Variants in PTK2 observed in about 807,000 individuals in gnomAD.
PTK2 encodes protein tyrosine kinase 2, also known as focal adhesion kinase 1.
Under a neutral mutation model 150.1 loss-of-function variants are expected in PTK2, and 45 were observed. That is an observed-to-expected ratio of 0.30 (90% CI 0.24 to 0.38). PTK2 has a LOEUF of 0.38. Ranked by LOEUF, PTK2 falls within the 10% of genes least tolerant of loss-of-function variation. The pLI, the probability that PTK2 is intolerant of heterozygous loss-of-function variation, is 1.00. For synonymous variants in PTK2, 432 were observed against 449.2 expected (o/e 0.96, Z 0.48); for missense variants, 919 against 1,307.3 (o/e 0.70, Z 4.58).
intron 2 of PTK2, among the ~76,000 whole-genome samples, chr8:140,921,946 T>C (rs2100167624): frequency 6.6e-6 from 1 of 152,204 alleles, no homozygotes; most frequent in Admixed American, 6.5e-5. Context: ...AGGCTCCTGG[T>C]GCCTTTGTTC....
intron 1 of PTK2, among the ~76,000 whole-genome samples, chr8:140,951,384 A>G (rs1172866552): frequency 6.6e-6 from 1 of 152,218 alleles, no homozygotes; most frequent in African/African-American, 2.4e-5. Context: ...TCTGTGAAAT[A>G]AGGGACCTAT....
intron 8 of PTK2, among the ~76,000 whole-genome samples, chr8:140,825,033 A>G (rs2100111023): frequency 6.6e-6 from 1 of 152,222 alleles, no homozygotes; most frequent in Admixed American, 6.5e-5. Context: ...TGCTAGCAAC[A>G]ATAGATTCCT....
At chr8:140,821,739 C>G (rs1022537520) in intron 8 of PTK2, 1 of 152,170 alleles carries the variant, frequency 6.6e-6, no homozygotes, top group African/African-American at 2.4e-5. Flanking sequence ...TGGTTTTAAC[C>G]AGGGCTGAGG....
chr8:140,986,994 G>A lies in PTK2; in HGVS notation c.-122+14131C>T, dbSNP rs1310498547. ...TGACACATACACAAAAACACAACCC[G>A]TAAAGCAACAAACTCATAAATGGGA... On this transcript the variant is annotated intron_variant, in intron 1 of 31. Coordinates refer to ENST00000522684, the Ensembl canonical transcript of PTK2. 8.5e-5 allele frequency among the ~76,000 whole-genome samples: 13 copies of A among 152,120 alleles called. No individual in the cohort carries two copies. In the South Asian group the frequency reaches 2.3e-3, roughly 27 times the overall value.
At chr8:140,959,294 G>T (rs1422742404) in intron 1 of PTK2, among the ~76,000 whole-genome samples, 1 of 151,770 alleles carries the variant, frequency 6.6e-6, no homozygotes, top group African/African-American at 2.4e-5. Flanking sequence ...ACTTTGGGAG[G>T]CCAAGGAGGG....
At chr8:140,725,797 C>T (rs1360992331) in intron 22 of PTK2, among the ~76,000 whole-genome samples, 1 of 151,562 alleles carries the variant, frequency 6.6e-6, no homozygotes, top group African/African-American at 2.4e-5. Flanking sequence ...CTGCTACCTA[C>T]CCATCAGCCA....
intron 26 of PTK2, among the ~76,000 whole-genome samples, chr8:140,690,806 A>G (rs952190646): frequency 6.6e-6 from 1 of 152,218 alleles, no homozygotes; most frequent in Non-Finnish European, 1.5e-5. Flanking sequence ...AGGCTGCACA[A>G]CGTTCCACTG....
At chr8:140,831,505 T>C (rs1038976666) in intron 7 of PTK2, among the ~76,000 whole-genome samples, 8 of 152,226 alleles carry the variant, frequency 5.3e-5, no homozygotes, top group Non-Finnish European at 8.8e-5. Context: ...AGAGACATCA[T>C]GTCAGTTTAT....
intron 1 of PTK2, among the ~76,000 whole-genome samples, chr8:140,969,676 A>G (rs1002513387): frequency 5.3e-5 from 8 of 152,152 alleles, no homozygotes; most frequent in African/African-American, 1.9e-4. Context: ...AGAGTTCCCC[A>G]AGACTCTGTC....
chr8:140,686,760 T>A, intron 26 of PTK2, 66 bp from the exon 30 acceptor site: 1 of 1,352,574 alleles, frequency 7.4e-7, no homozygotes, highest in Non-Finnish European at 1.0e-6. Flanking sequence ...ACAGATTCTG[T>A]ATTAAATTCC....
chr8:140,929,069 C>T (rs1029899260), intron 1 of PTK2, among the ~76,000 whole-genome samples: 87 of 145,930 alleles, frequency 6.0e-4, no homozygotes, highest in African/African-American at 2.2e-3. Context: ...GGGTTCACGC[C>T]ATTCTCCTGC....
chr8:140,908,389 A>C (rs1650859529), intron 2 of PTK2, among the ~76,000 whole-genome samples: 1 of 152,250 alleles, frequency 6.6e-6, no homozygotes, highest in Admixed American at 6.5e-5. Flanking sequence ...CTGGTGGAGA[A>C]GCTGCACCAA....
At chr8:140,745,951 G>A (rs534190360) in intron 18 of PTK2, among the ~76,000 whole-genome samples, 23 of 150,344 alleles carry the variant, frequency 1.5e-4, no homozygotes, top group African/African-American at 5.6e-4. Flanking sequence ...AATGGGCTGA[G>A]ATCGCGCCAT....
intron 1 of PTK2, among the ~76,000 whole-genome samples, chr8:140,964,217 T>C (rs934525012): frequency 1.4e-4 from 21 of 152,136 alleles, no homozygotes; most frequent in South Asian, 2.1e-4. Flanking sequence ...CCCACTGAAC[T>C]ATAATCAATA....
At chr8:140,845,527 C>T (rs2100124861) in intron 7 of PTK2, among the ~76,000 whole-genome samples, 1 of 152,210 alleles carries the variant, frequency 6.6e-6, no homozygotes, top group African/African-American at 2.4e-5. Context: ...GAAAACACCT[C>T]ACACATCAAG....
chr8:140,660,602 T>A (rs1381009412), intron 31 of PTK2: 1 of 455,226 alleles, frequency 2.2e-6, no homozygotes, highest in South Asian at 1.6e-5. Context: ...GGTGTGCACC[T>A]GTATTCCAAG....
At chr8:140,820,087 T>TTTTTTTG (rs2100107378) in intron 8 of PTK2, among the ~76,000 whole-genome samples, 1 of 53,394 alleles carries the variant, frequency 1.9e-5, no homozygotes, top group Non-Finnish European at 3.7e-5. Context: ...TTTTTTTTTT[T>TTTTTTTG]TTTTTTTTTT....
intron 4 of PTK2, among the ~76,000 whole-genome samples, chr8:140,871,654 G>C (rs2100142587): frequency 6.6e-6 from 1 of 152,088 alleles, no homozygotes; most frequent in African/African-American, 2.4e-5. Context: ...AATAAAATCA[G>C]CCAACCGTGA....
In PTK2 at chr8:140,925,670, G is replaced by T. The variant is rs746033794; in HGVS notation, c.-42C>A. The T allele has an allele frequency of 4.1e-6, 4 of 984,980 alleles. No homozygotes were observed. In the East Asian group the frequency reaches 4.5e-4, roughly 111 times the overall value. 61.0% of individuals were successfully genotyped at this position (984,980 alleles called of 1,614,324 possible). On this transcript the variant is annotated 5_prime_UTR_variant, in exon 2 of 32. Transcript: ENST00000522684. ...TTAACCATTACTATACCTCCCTTCC[G>T]TTATTCTTGAGGAGCTCTGGGGAAA...
Sources: allele counts gnomAD v4.1 joint callset (sites outside exome capture counted in the v4.1 genomes callset), GRCh38; gene constraint gnomAD v4.1.1; transcripts MANE v1.5; gene names NCBI Gene and HGNC (gene_info 2026-07-23, HGNC 2026-07-21).